Variants in C8orf89 observed in about 807,000 individuals in gnomAD.
The protein encoded by C8orf89 is chromosome 8 open reading frame 89, also known as putative uncharacterized protein C8orf89.
C8orf89 carries 14 observed loss-of-function variants against 15.8 expected under a neutral mutation model. The ratio of observed to expected loss-of-function variants is 0.89; its 90% CI spans 0.59 to 1.39. The LOEUF (loss-of-function observed/expected upper bound fraction) is 1.39, where lower values mean the gene tolerates loss of function less well. Ranked by LOEUF, C8orf89 falls within the 40% of genes most tolerant of loss-of-function variation. The probability of loss-of-function intolerance (pLI) is 0.00; values close to 1 mark genes in which losing one functional copy is unlikely to be tolerated. For synonymous variants in C8orf89, 55 were observed against 62.2 expected (o/e 0.88, Z 0.54); for missense variants, 181 against 184.5 (o/e 0.98, Z 0.11).
At chr8:73,279,757 T>C in the C8orf89 span, among the ~76,000 whole-genome samples, 2 of 152,174 alleles carry the variant, frequency 1.3e-5, no homozygotes, top group Non-Finnish European at 2.9e-5. Flanking sequence ...GTCATAAAAG[T>C]GATATGACTT....
intron 3 of C8orf89, among the ~76,000 whole-genome samples, chr8:73,245,030 C>T (rs1813093541): frequency 6.6e-6 from 1 of 152,170 alleles, no homozygotes; most frequent in Non-Finnish European, 1.5e-5. Context: ...CTCACAATCA[C>T]ACCAGAAGGC....
chr8:73,280,984 A>G, the C8orf89 span, among the ~76,000 whole-genome samples: 5 of 152,138 alleles, frequency 3.3e-5, no homozygotes, highest in Non-Finnish European at 5.9e-5. Context: ...TTAATAGAGT[A>G]AGATGGAGTG....
upstream of C8orf89, among the ~76,000 whole-genome samples, chr8:73,264,286 C>T (rs761803966): frequency 2.6e-5 from 4 of 152,292 alleles, no homozygotes; most frequent in South Asian, 4.1e-4. Context: ...GGAAAGTATA[C>T]TTCAGGTGAA....
the C8orf89 span, among the ~76,000 whole-genome samples, chr8:73,281,992 C>A: frequency 3.9e-5 from 6 of 152,202 alleles, 1 homozygote; most frequent in African/African-American, 1.4e-4. Context: ...AAGCCGTTTG[C>A]TGACCAGGGA....
chr8:73,254,356 T>C (rs1275986368), intron 2 of C8orf89, among the ~76,000 whole-genome samples: 1 of 152,158 alleles, frequency 6.6e-6, no homozygotes, highest in Non-Finnish European at 1.5e-5. Context: ...TGAGGATTTT[T>C]GCATCAATGT....
the C8orf89 span, among the ~76,000 whole-genome samples, chr8:73,276,626 T>C: frequency 2.0e-5 from 3 of 152,120 alleles, no homozygotes; most frequent in Non-Finnish European, 2.9e-5. Context: ...CATTCTATTA[T>C]GAAATTATTA....
the C8orf89 span, among the ~76,000 whole-genome samples, chr8:73,270,300 C>T: frequency 4.6e-5 from 7 of 152,162 alleles, no homozygotes; most frequent in South Asian, 1.5e-3. Context: ...GCGTAATAAC[C>T]AGTTTTTCAA....
At chr8:73,273,707 C>T in the C8orf89 span, among the ~76,000 whole-genome samples, 1,833 of 151,524 alleles carry the variant, frequency 0.012, 32 homozygotes, top group African/African-American at 0.042. Context: ...AAGTCTGCGC[C>T]CAGAGTGAGA....
chr8:73,255,072 A>T (rs371635295), intron 2 of C8orf89, among the ~76,000 whole-genome samples: 59 of 151,792 alleles, frequency 3.9e-4, no homozygotes, highest in African/African-American at 1.4e-3. Context: ...GGACTTCATG[A>T]CTAAAACACC....
At chr8:73,253,000 G>C (rs1380399738) in intron 2 of C8orf89, among the ~76,000 whole-genome samples, 1 of 152,116 alleles carries the variant, frequency 6.6e-6, no homozygotes, top group Non-Finnish European at 1.5e-5. Flanking sequence ...AAAGTTAGCC[G>C]GGCGTGGTGG....
intron 2 of C8orf89, among the ~76,000 whole-genome samples, chr8:73,251,823 T>C (rs774394745): frequency 6.6e-6 from 1 of 152,184 alleles, no homozygotes; most frequent in Non-Finnish European, 1.5e-5. Flanking sequence ...GACGGGTCCA[T>C]ACCGATGCAA....
At chr8:73,277,839 A>G in the C8orf89 span, 8 of 708,460 alleles carry the variant, frequency 1.1e-5, no homozygotes, top group South Asian at 5.4e-5. Context: ...TTCTTTTCCC[A>G]TAGCTGCTTT....
intron 2 of C8orf89, among the ~76,000 whole-genome samples, chr8:73,254,892 T>C (rs1264907778): frequency 6.6e-6 from 1 of 152,188 alleles, no homozygotes; most frequent in African/African-American, 2.4e-5. Context: ...TAATAAATGG[T>C]GCTGGGAAAA....
chr8:73,252,879 C>T (rs1252752228), intron 2 of C8orf89, among the ~76,000 whole-genome samples: 2 of 152,138 alleles, frequency 1.3e-5, no homozygotes, highest in African/African-American at 2.4e-5. Flanking sequence ...CGGTGGCTCA[C>T]GCCTGTAATC....
At chr8:73,247,274 G>A (rs1284435242) in intron 3 of C8orf89, among the ~76,000 whole-genome samples, 8 of 137,622 alleles carry the variant, frequency 5.8e-5, no homozygotes, top group African/African-American at 1.9e-4. Context: ...GACATGATCT[G>A]TTCTTTTTTA....
At chr8:73,284,354 C>T in the C8orf89 span, among the ~76,000 whole-genome samples, 2 of 151,742 alleles carry the variant, frequency 1.3e-5, no homozygotes, top group African/African-American at 2.4e-5. Flanking sequence ...GCTGGGACTA[C>T]AGGCACGCGC....
At chr8:73,245,317 A>G (rs1334988222) in intron 3 of C8orf89, among the ~76,000 whole-genome samples, 1 of 152,234 alleles carries the variant, frequency 6.6e-6, no homozygotes, top group Non-Finnish European at 1.5e-5. Flanking sequence ...ATCATAATAA[A>G]CATACAAATA....
At chr8:73,280,094 T>C in the C8orf89 span, among the ~76,000 whole-genome samples, 1 of 152,240 alleles carries the variant, frequency 6.6e-6, no homozygotes, top group Non-Finnish European at 1.5e-5. Context: ...GAGAAATTTG[T>C]TATGAAGCCA....
the C8orf89 span, among the ~76,000 whole-genome samples, chr8:73,265,249 A>T: frequency 6.6e-6 from 1 of 152,226 alleles, no homozygotes; most frequent in African/African-American, 2.4e-5. Context: ...TTTAAATTAC[A>T]TATGAAGCTA....
Sources: gnomAD v4.1 joint callset for allele counts (sites outside exome capture counted in the v4.1 genomes callset) on GRCh38, gnomAD v4.1.1 for gene constraint, MANE v1.5 for transcripts, NCBI Gene and HGNC (gene_info 2026-07-23, HGNC 2026-07-21) for gene names.